HIVEP3: variants seen among roughly 807,000 people sequenced by gnomAD.
HIVEP3 encodes transcription factor HIVEP3.
A neutral mutation model predicts 152.8 loss-of-function variants in HIVEP3; 49 were observed. The observed-to-expected ratio is 0.32, with a 90% CI of 0.26 to 0.41. The LOEUF (loss-of-function observed/expected upper bound fraction) is 0.41. Among genes scored for constraint, HIVEP3 ranks in the 10% least tolerant of loss-of-function variants. The pLI is 1.00. For missense variants in HIVEP3, 2,790 were observed against 3,103.3 expected (o/e 0.90, Z 2.40); for synonymous variants, 1,269 against 1,289.0 (o/e 0.98, Z 0.33).
At chr1:41,938,729 G>A (rs1645032017) in intron 1 of HIVEP3, among the ~76,000 whole-genome samples, 1 of 152,176 alleles carries the variant, frequency 6.6e-6, no homozygotes, top group African/African-American at 2.4e-5. Flanking sequence ...ATTATGCTGA[G>A]ATTTTGCTTT....
chr1:41,889,804 C>A (rs541132332), intron 1 of HIVEP3, among the ~76,000 whole-genome samples: 3 of 152,194 alleles, frequency 2.0e-5, no homozygotes, highest in Non-Finnish European at 4.4e-5. Context: ...GGTGATGGCT[C>A]TGGATAGGGT....
chr1:41,510,783 C>T lies in HIVEP3; in HGVS notation c.6889G>A (p.Gly2297Arg), dbSNP rs756517344. ...RPPDWTPHGT[G>R]APAEPTPTHS... The stretch of plus-strand genomic sequence containing the variant: ...GTGGGTGTGGGCTCTGCAGGTGCCC[C>T]GGTCCCATGGGGTGTCCAGTCAGGA... Residue 2297 changes from glycine (G) to arginine (R), a missense_variant, in exon 9 of 9, where the codon GGG becomes AGG. This residue lies in a region of HIVEP3 where 816 missense variants were observed against 806.5 expected (regional missense o/e 1.01). Transcript: ENST00000372583. 12 of 1,606,596 alleles carry T rather than the reference C, an allele frequency of 7.5e-6. No individual in the cohort carries two copies. In the Middle Eastern group the frequency reaches 5.0e-4, roughly 66 times the overall value.
intron 1 of HIVEP3, among the ~76,000 whole-genome samples, chr1:41,939,043 G>A (rs972033612): frequency 3.3e-5 from 5 of 152,172 alleles, no homozygotes; most frequent in African/African-American, 7.2e-5. Flanking sequence ...CTTATACCTC[G>A]GAGGCAGCAG....
At chr1:41,522,043 C>G (rs1349544871) in intron 6 of HIVEP3, among the ~76,000 whole-genome samples, 1 of 152,236 alleles carries the variant, frequency 6.6e-6, no homozygotes, top group Non-Finnish European at 1.5e-5. Context: ...GAGACACACA[C>G]GGCAGACAGA....
chr1:41,603,153 AC>A (rs768686630), intron 3 of HIVEP3, among the ~76,000 whole-genome samples: 8 of 151,108 alleles, frequency 5.3e-5, no homozygotes, highest in Admixed American at 2.0e-4. Context: ...TGCAACCTCC[AC>A]CTCCCGGGTT....
rs754846453 is a variant in HIVEP3, at chr1:41,513,067, G to C, written c.6154C>G (p.Leu2052Val). The C allele has an allele frequency of 6.2e-7, 1 of 1,613,906 alleles. No individual in the cohort carries two copies. Among genetic ancestry groups the C allele is most frequent in the Non-Finnish European group, 8.5e-7 (1 of 1,180,018 alleles). Reference protein sequence around the residue: ...GRELAPRAHVLSKLEGTTDPG... With the variant: ...GRELAPRAHVVSKLEGTTDPG... ...TCGGTGGTACCCTCGAGTTTGGAGA[G>C]CACATGTGCTCGAGGGGCCAGTTCT... The change falls in exon 8 of 9, where the codon CTC becomes GTC. Residue 2052 changes from leucine (L) to valine (V), a missense_variant. By Grantham distance (32) the Leu-to-Val change is conservative. Coordinates refer to ENST00000372583, the MANE Select transcript of HIVEP3 (RefSeq NM_024503.5).
chr1:41,947,300 C>T (rs1283267858), intron 1 of HIVEP3, among the ~76,000 whole-genome samples: 2 of 152,298 alleles, frequency 1.3e-5, no homozygotes, highest in African/African-American at 2.4e-5. Flanking sequence ...TTAATTTCCT[C>T]GCCACCTGTG....
intron 1 of HIVEP3, among the ~76,000 whole-genome samples, chr1:41,904,243 C>T (rs1379789368): frequency 6.6e-6 from 1 of 152,136 alleles, no homozygotes; most frequent in Non-Finnish European, 1.5e-5. Flanking sequence ...CAGGGTCAAA[C>T]AATGCAGTCA....
chr1:41,756,608 A>T (rs1305820389), intron 1 of HIVEP3, among the ~76,000 whole-genome samples: 1 of 152,236 alleles, frequency 6.6e-6, no homozygotes, highest in Non-Finnish European at 1.5e-5. Flanking sequence ...AATTGGTTAA[A>T]TAGACTAGGA....
rs1367973696 is a variant in HIVEP3 at position 41,975,578 on chromosome 1, T to C, written n.120-57054A>G. 2.6e-5 allele frequency among the ~76,000 whole-genome samples: 4 copies of C among 152,250 alleles called. No individual in the cohort carries two copies. The East Asian group carries it at 7.7e-4, about 29-fold the overall frequency. ...TTACAGTGCTGTATTTCTTTGGAAG[T>C]ACAAAAAACTTGATTTATACAATTT... On this transcript the variant is annotated intron_variant and non_coding_transcript_variant, in intron 1 of 3. Transcript: ENST00000489103.
rs916352196 is a variant in HIVEP3, at chr1:41,775,487, GTTTTTGTT to G, written c.-800-74500_-800-74493del. Among the ~76,000 whole-genome samples the G allele has an allele frequency of 7.2e-5, 11 of 151,852 alleles. No homozygotes were observed. The East Asian group carries it at 1.7e-3, about 24-fold the overall frequency. On this transcript the variant is annotated intron_variant, in intron 1 of 8. Transcript: ENST00000372583. ...GAGTGTTTTTTGTTTGTTTGTTTGT[GTTTTTGTT>G]TTTTTGTTTTTTTGAGATGGAGTCT...
intron 1 of HIVEP3, among the ~76,000 whole-genome samples, chr1:41,977,649 T>G (rs1283016935): frequency 6.6e-6 from 1 of 151,954 alleles, no homozygotes; most frequent in Admixed American, 6.6e-5. Flanking sequence ...GTCTGAGGAG[T>G]AATATATTCC....
In HIVEP3 at chr1:41,596,130, G is replaced by A. The variant is rs545299273; in HGVS notation, c.-521-10812C>T. On this transcript the variant is annotated intron_variant, in intron 3 of 8. Transcript: ENST00000372583. ...TGGACACTGGGAGGTGTTTCCACAC[G>A]TCCCCTCCTAGGCCCCAGAATGACG... 1.3e-4 allele frequency among the ~76,000 whole-genome samples: 20 copies of A among 152,184 alleles called. No homozygotes were observed. In the East Asian group the frequency reaches 1.5e-3, roughly 12 times the overall value.
intron 3 of HIVEP3, among the ~76,000 whole-genome samples, chr1:41,612,359 C>A (rs902532467): frequency 5.3e-5 from 8 of 152,202 alleles, no homozygotes; most frequent in African/African-American, 1.9e-4. Flanking sequence ...CTACAGCTCA[C>A]CAAAGGCCCC....
rs944786291 is a variant in HIVEP3, at chr1:41,509,036, A to G, written c.*1415T>C. ...AATTTCTGGTCCTATTATTTTTCTT[A>G]CAAAGTAGAGTTTTGCCCCAGGAAA... On this transcript the variant is annotated 3_prime_UTR_variant, in exon 9 of 9. Transcript: ENST00000372583. The G allele has an allele frequency of 1.3e-5, 2 of 152,262 alleles. No individual in the cohort carries two copies. Among genetic ancestry groups the G allele is most frequent in the African/African-American group, 4.8e-5 (2 of 41,466 alleles). 9.4% of individuals were successfully genotyped at this position (152,262 alleles called of 1,614,324 possible). A position where few individuals can be genotyped will look rare whatever the true frequency, so the allele number is the denominator to read the frequency against.
intron 1 of HIVEP3, among the ~76,000 whole-genome samples, chr1:41,861,992 C>T (rs567079809): frequency 8.6e-5 from 13 of 151,892 alleles, no homozygotes; most frequent in African/African-American, 3.1e-4. Flanking sequence ...CAAATTTGGC[C>T]GGGGGGCGGA....
chr1:41,962,716 T>C (rs1645175553), intron 1 of HIVEP3, among the ~76,000 whole-genome samples: 1 of 152,210 alleles, frequency 6.6e-6, no homozygotes, highest in African/African-American at 2.4e-5. Flanking sequence ...TATCAAAGTC[T>C]CTTGGAAAGA....
At chr1:41,913,785 C>T (rs977708118) in intron 1 of HIVEP3, among the ~76,000 whole-genome samples, 7 of 152,186 alleles carry the variant, frequency 4.6e-5, no homozygotes, top group African/African-American at 1.4e-4. Flanking sequence ...GACTGAGATT[C>T]GGAGGAGCAT....
chr1:41,712,528 G>A (rs186918366), intron 1 of HIVEP3, among the ~76,000 whole-genome samples: 30 of 152,348 alleles, frequency 2.0e-4, no homozygotes, highest in African/African-American at 6.3e-4. Context: ...GTGGCTGGCC[G>A]ATGGTTTAGG....
Sources: gnomAD v4.1 joint callset for allele counts (sites outside exome capture counted in the v4.1 genomes callset) on GRCh38, gnomAD v4.1.1 for gene constraint, gnomAD v4.1.1 regional missense constraint, MANE v1.5 for transcripts, NCBI Gene and HGNC (gene_info 2026-07-23, HGNC 2026-07-21) for gene names.